The following DNAAF9 variants were observed in gnomAD, a reference collection of about 807,000 sequenced individuals.
The protein encoded by DNAAF9 is shulin.
DNAAF9 carries 90 observed loss-of-function variants against 167.0 expected under a neutral mutation model. The ratio of observed to expected loss-of-function variants is 0.54; its 90% confidence interval spans 0.45 to 0.64. DNAAF9 has a LOEUF of 0.64. Among genes scored for constraint, DNAAF9 ranks in the 30% least tolerant of loss-of-function variants. The probability of loss-of-function intolerance (pLI) is 0.00; values close to 1 mark genes in which losing one functional copy is unlikely to be tolerated. For missense variants in DNAAF9, 1,315 were observed against 1,442.2 expected, an observed-to-expected ratio of 0.91 and a Z score of 1.43; for synonymous variants, 491 against 508.8, an observed-to-expected ratio of 0.96 and a Z score of 0.47.
At chr20:3,356,466 C>A (rs1455697454) in intron 7 of DNAAF9, among the ~76,000 whole-genome samples, 1 of 152,128 alleles carries the variant, frequency 6.6e-6, no homozygotes, top group East Asian at 1.9e-4. Context: ...TTCTATCTAT[C>A]CTGGGGCCTA....
chr20:3,260,968 G>A (rs1043469492), intron 31 of DNAAF9, among the ~76,000 whole-genome samples: 8 of 152,116 alleles, frequency 5.3e-5, no homozygotes, highest in African/African-American at 1.7e-4. Flanking sequence ...ACTATGCCCC[G>A]CCATTTTGTT....
At chr20:3,300,333 TTTAGG>T (rs2069162402) in intron 21 of DNAAF9, among the ~76,000 whole-genome samples, 2 of 152,304 alleles carry the variant, frequency 1.3e-5, no homozygotes, top group South Asian at 4.1e-4. Flanking sequence ...TTTTCCTTCA[TTTAGG>T]TTGTCTTTAA....
intron 1 of DNAAF9, among the ~76,000 whole-genome samples, chr20:3,407,242 G>A (rs1176711992): frequency 6.6e-6 from 1 of 152,144 alleles, no homozygotes; most frequent in Non-Finnish European, 1.5e-5. Context: ...TTGCAGGGTT[G>A]TCTGTGGGGG....
At chr20:3,363,502 G>GA (rs1032644282) in intron 6 of DNAAF9, among the ~76,000 whole-genome samples, 4 of 124,364 alleles carry the variant, frequency 3.2e-5, no homozygotes, top group Admixed American at 8.2e-5. Flanking sequence ...CGAAAAAAAA[G>GA]AAAAAAAAAG....
chr20:3,371,622 T>C (rs373432960), intron 6 of DNAAF9, among the ~76,000 whole-genome samples: 50 of 152,164 alleles, frequency 3.3e-4, no homozygotes, highest in Non-Finnish European at 4.4e-4. Context: ...GGATTACAGG[T>C]GTGAGCCACC....
At chr20:3,324,849 G>A (rs377444454) in intron 14 of DNAAF9, 43 bp downstream of exon 14, 7 of 993,350 alleles carry the variant, frequency 7.0e-6, no homozygotes, top group South Asian at 4.2e-5. Flanking sequence ...ATTCCAAAAC[G>A]AAGAAAAAAA....
At position 3,315,243 on chromosome 20, in the gene DNAAF9, T is replaced by C; in HGVS notation, c.1591-123A>G. 1 of 687,672 alleles carries C rather than the reference T, an allele frequency of 1.5e-6. No individual in the cohort carries two copies. Among genetic ancestry groups the C allele is most frequent in the South Asian group, 1.7e-5 (1 of 60,244 alleles). 42.6% of individuals were successfully genotyped at this position (687,672 alleles called of 1,614,324 possible). On this transcript the variant is annotated intron_variant, in intron 19 of 36. Transcript: ENST00000252032. This position sits in a 1 kb window ranked among gnomAD's most constrained non-coding sequence, Gnocchi z 4.1. ...CTACAAAAGCTGAGTCAGGCTCAGA[T>C]ATGCCCAATGTATTCCATGGCCTTT... is the stretch of plus-strand genomic sequence containing the variant.
At chr20:3,316,654 C>T (rs1306864764) in intron 18 of DNAAF9, 69 bp downstream of exon 18, 1 of 1,108,514 alleles carries the variant, frequency 9.0e-7, no homozygotes, top group Non-Finnish European at 1.4e-6. Flanking sequence ...AACAAAGAGG[C>T]TCTTCCTCAA....
At chr20:3,359,096 T>C (rs1399097056) in intron 7 of DNAAF9, among the ~76,000 whole-genome samples, 1 of 152,204 alleles carries the variant, frequency 6.6e-6, no homozygotes, top group Non-Finnish European at 1.5e-5. Context: ...GGCTAAAATA[T>C]CACTAACTAG....
chr20:3,370,127 C>G (rs1413703648), intron 6 of DNAAF9, among the ~76,000 whole-genome samples: 3 of 152,210 alleles, frequency 2.0e-5, no homozygotes, highest in African/African-American at 7.2e-5. Flanking sequence ...GCTTCTATTA[C>G]TGGGTCTCCA....
chr20:3,387,884 TAAAAAAAAAAAAAAAAAA>T (rs557861791), intron 1 of DNAAF9, among the ~76,000 whole-genome samples: 2 of 87,368 alleles, frequency 2.3e-5, no homozygotes, highest in East Asian at 4.3e-4. Flanking sequence ...CTACAAAAAG[TAAAAAAAAAAAAAAAAAA>T]AAAAAAAAAA....
At chr20:3,268,330 C>T (rs1236458590) in intron 30 of DNAAF9, among the ~76,000 whole-genome samples, 14 of 148,990 alleles carry the variant, frequency 9.4e-5, no homozygotes, top group Non-Finnish European at 1.3e-4. Flanking sequence ...TCACTGTGCC[C>T]GGCCCCTTTT....
intron 10 of DNAAF9, 71 bp from the exon 11 acceptor site, chr20:3,332,432 G>C: frequency 1.3e-6 from 1 of 756,472 alleles, no homozygotes; most frequent in Non-Finnish European, 2.3e-6. Flanking sequence ...TAAACAAAAA[G>C]TATAGAGTCA....
At chr20:3,290,993 T>C (rs2068941437) in intron 25 of DNAAF9, among the ~76,000 whole-genome samples, 1 of 152,146 alleles carries the variant, frequency 6.6e-6, no homozygotes, top group Admixed American at 6.6e-5. Context: ...TTCACCATGT[T>C]GGCCAGGCTG....
intron 10 of DNAAF9, 64 bp downstream of exon 10, chr20:3,340,433 TCCCCCCA>T: frequency 4.5e-5 from 10 of 221,208 alleles, no homozygotes; most frequent in South Asian, 2.4e-4. Flanking sequence ...TTTGTCTAGC[TCCCCCCA>T]CCCACCCCAC....
At chr20:3,363,220 C>G (rs1309583911) in intron 6 of DNAAF9, among the ~76,000 whole-genome samples, 1 of 143,946 alleles carries the variant, frequency 6.9e-6, no homozygotes, top group Admixed American at 7.0e-5. Flanking sequence ...CAGAGTGAGA[C>G]TCCGTCTCAA....
intron 10 of DNAAF9, 133 bp downstream of exon 10, chr20:3,340,371 G>C: frequency 1.4e-6 from 1 of 718,692 alleles, no homozygotes; most frequent in Admixed American, 2.8e-5. Flanking sequence ...TTTCACTCTA[G>C]AACAACTTCA....
chr20:3,396,398 CTGTGTGCCA>C (rs2083907430), intron 1 of DNAAF9, among the ~76,000 whole-genome samples: 1 of 152,150 alleles, frequency 6.6e-6, no homozygotes, highest in Admixed American at 6.5e-5. Flanking sequence ...TGAGCACCTA[CTGTGTGCCA>C]ACTGTTCAGA....
At chr20:3,311,927 A>T (rs1232679683) in intron 20 of DNAAF9, among the ~76,000 whole-genome samples, 1 of 152,164 alleles carries the variant, frequency 6.6e-6, no homozygotes, top group Non-Finnish European at 1.5e-5. Flanking sequence ...ACTGGTGAAG[A>T]GAAACAGTTC....
Sources: gnomAD v4.1 joint callset for allele counts (sites outside exome capture counted in the v4.1 genomes callset) on GRCh38, gnomAD v4.1.1 for gene constraint, Gnocchi (gnomAD v3.1) non-coding constraint, MANE v1.5 for transcripts, NCBI Gene and HGNC (gene_info 2026-07-23, HGNC 2026-07-21) for gene names.